Variants in VPS13B observed in about 807,000 individuals in gnomAD.
VPS13B encodes vacuolar protein sorting 13 homolog B.
A neutral mutation model predicts 426.4 loss-of-function variants in VPS13B; 285 were observed. The observed-to-expected ratio is 0.67, with a 90% CI of 0.61 to 0.74. The LOEUF (loss-of-function observed/expected upper bound fraction) is 0.74, where lower values mean the gene tolerates loss of function less well. VPS13B is among the 30% of genes least tolerant of loss of function. The pLI, the probability that VPS13B is intolerant of heterozygous loss-of-function variation, is 0.00. For synonymous variants in VPS13B, 1,676 were observed against 1,676.4 expected (o/e 1.00, Z 0.01); for missense variants, 4,537 against 4,782.6 (o/e 0.95, Z 1.51).
chr8:99,403,255 A>G (rs1048360434), intron 21 of VPS13B, among the ~76,000 whole-genome samples: 5 of 152,116 alleles, frequency 3.3e-5, no homozygotes, highest in Admixed American at 6.5e-5. Flanking sequence ...TCTATGATCA[A>G]AGAAAAACAG....
At chr8:99,820,381 T>C (rs567978581) in intron 49 of VPS13B, among the ~76,000 whole-genome samples, 1 of 152,318 alleles carries the variant, frequency 6.6e-6, no homozygotes, top group African/African-American at 2.4e-5. Context: ...TCCATTGTTA[T>C]AGGATATTTG....
intron 19 of VPS13B, among the ~76,000 whole-genome samples, chr8:99,351,014 T>C (rs3110400): frequency 0.83 from 125,523 of 151,976 alleles, 52,360 homozygotes; most frequent in South Asian, 0.89. Flanking sequence ...ATAAAAGAAA[T>C]GCAGTAATGG....
chr8:99,503,357 G>A (rs1362444431), intron 27 of VPS13B, among the ~76,000 whole-genome samples: 1 of 152,124 alleles, frequency 6.6e-6, no homozygotes, highest in African/African-American at 2.4e-5. Context: ...TGATCGGGGT[G>A]GTGGTTGCTG....
At chr8:99,168,247 A>G (rs944219310) in intron 15 of VPS13B, among the ~76,000 whole-genome samples, 4 of 152,250 alleles carry the variant, frequency 2.6e-5, no homozygotes, top group Middle Eastern at 3.4e-3. Flanking sequence ...ACACAAAAGT[A>G]TAATAAAGAC....
In VPS13B at chr8:99,442,410, C is replaced by T. The variant is rs186098421; in HGVS notation, c.3220C>T (p.Gln1074Ter). 2 of 1,613,568 alleles carry T rather than the reference C, an allele frequency of 1.2e-6. No homozygotes were observed. Among genetic ancestry groups the T allele is most frequent in the East Asian group, 4.5e-5 (2 of 44,826 alleles). ...VKHLTLQLEV[Q>*]SCCVFIPNDS... ...TGCTTTTCTTTTCTAGCTTGAAGTA[C>T]AATCTTGTTGTGTGTTTATTCCAAA... The change falls in exon 23 of 62, where the codon CAA becomes TAA. Residue 1074 changes from glutamine (Q) to a stop codon, truncating the protein, a stop_gained. Transcript: ENST00000357162. LOFTEE classifies it high-confidence loss of function.
intron 23 of VPS13B, among the ~76,000 whole-genome samples, chr8:99,461,211 A>T (rs1027703218): frequency 1.3e-5 from 2 of 151,812 alleles, no homozygotes; most frequent in Non-Finnish European, 2.9e-5. Flanking sequence ...CTATCTCCTT[A>T]GATTGGCCCC....
chr8:99,102,546 C>A (rs1382771123), intron 4 of VPS13B, among the ~76,000 whole-genome samples: 2 of 152,138 alleles, frequency 1.3e-5, no homozygotes, highest in African/African-American at 2.4e-5. Flanking sequence ...AGAAGACCAT[C>A]TTCTAATATA....
At chr8:99,512,155 T>G (rs938103836) in intron 29 of VPS13B, among the ~76,000 whole-genome samples, 4 of 152,254 alleles carry the variant, frequency 2.6e-5, no homozygotes, top group Non-Finnish European at 5.9e-5. Context: ...ACTTTTTATG[T>G]CTAACTTTTC....
chr8:99,502,930 T>C lies in VPS13B; in HGVS notation c.4137T>C (p.Asn1379=), dbSNP rs1821319108. ...TKVKCKIESF[N]IDHYRSRPGE... Reference sequence around the variant, plus strand: ...TGAAATGTAAAATAGAGAGTTTCAATATTGATCACTATAGAAGCAGGTAAA... The same window carrying C: ...TGAAATGTAAAATAGAGAGTTTCAACATTGATCACTATAGAAGCAGGTAAA... The change falls in exon 27 of 62, where the codon AAT becomes AAC. Residue 1379 remains asparagine, a synonymous_variant. Coordinates refer to ENST00000357162, the MANE Select transcript of VPS13B (RefSeq NM_152564.5). The C allele has an allele frequency of 6.2e-7, 1 of 1,607,142 alleles. No homozygotes were observed. The highest frequency in any genetic ancestry group is 8.5e-7 in the Non-Finnish European group (1 of 1,174,104).
chr8:99,113,066 T>G, intron 6 of VPS13B, among the ~76,000 whole-genome samples: 1 of 146,166 alleles, frequency 6.8e-6, no homozygotes, highest in South Asian at 2.5e-4. Context: ...TCCCCTCTGT[T>G]TCCCTCCCCT....
At position 99,496,712 on chromosome 8, in the gene VPS13B, C is replaced by T. The variant is rs192384103; in HGVS notation, c.3871-4975C>T. 9.5e-4 allele frequency among the ~76,000 whole-genome samples: 144 copies of T among 152,092 alleles called. 1 individual carries two copies. The South Asian group carries it at 0.017, about 18-fold the overall frequency. Reference sequence around the variant, plus strand: ...CTTCATGACAAGTAAACAAAGCAAACACATACATACGTACACAAGTACACA... The same window carrying T: ...CTTCATGACAAGTAAACAAAGCAAATACATACATACGTACACAAGTACACA... On this transcript the variant is annotated intron_variant, in intron 25 of 61. Transcript: ENST00000357162.
intron 17 of VPS13B, among the ~76,000 whole-genome samples, chr8:99,228,002 G>A (rs1321405488): frequency 6.6e-6 from 1 of 151,884 alleles, no homozygotes; most frequent in Non-Finnish European, 1.5e-5. Flanking sequence ...TTTCTCTCTT[G>A]GACTCATTTC....
intron 19 of VPS13B, among the ~76,000 whole-genome samples, chr8:99,343,023 C>G (rs3134177): frequency 0.74 from 112,626 of 151,972 alleles, 42,417 homozygotes; most frequent in South Asian, 0.87. Context: ...TTTCATGTAC[C>G]TGTTTGCCTT....
At position 99,824,047 on chromosome 8, in the gene VPS13B, T is replaced by C; in HGVS notation, c.9330+69T>C. 3 of 1,557,350 alleles carry C rather than the reference T, an allele frequency of 1.9e-6. No homozygotes were observed. The South Asian group carries it at 3.4e-5, about 17-fold the overall frequency. ...AAACAATAAATAGGATCAACTTCTC[T>C]TTAACCTATAGCAAATGAAAAGCTA... On this transcript the variant is annotated intron_variant, in intron 51 of 61. Transcript: ENST00000357162.
chr8:99,552,010 T>G (rs2133754641), intron 30 of VPS13B, among the ~76,000 whole-genome samples: 1 of 152,096 alleles, frequency 6.6e-6, no homozygotes, highest in East Asian at 1.9e-4. Context: ...ATTAAGCATT[T>G]TTTAGACTTT....
At chr8:99,525,529 A>G (rs1822598874) in intron 30 of VPS13B, among the ~76,000 whole-genome samples, 1 of 152,218 alleles carries the variant, frequency 6.6e-6, no homozygotes, top group Admixed American at 6.5e-5. Context: ...TTGCAGCTCA[A>G]TAGAATGAAA....
chr8:99,826,685 A>G (rs1435302344), intron 51 of VPS13B, among the ~76,000 whole-genome samples: 1 of 152,228 alleles, frequency 6.6e-6, no homozygotes, highest in Non-Finnish European at 1.5e-5. Context: ...TTGCCCATTC[A>G]GTATGATATT....
chr8:99,646,325 G>A lies in VPS13B; in HGVS notation c.5908+3827G>A, dbSNP rs571700199. ...AGCTAAGGAGTCCAAGACTAGCCTAGACAACATAGTGAGACCCCATCTCTA... is the reference window on the plus strand; with the variant it reads ...AGCTAAGGAGTCCAAGACTAGCCTAAACAACATAGTGAGACCCCATCTCTA... On this transcript the variant is annotated intron_variant, in intron 34 of 61. Transcript: ENST00000357162. 3.9e-5 allele frequency among the ~76,000 whole-genome samples: 6 copies of A among 152,214 alleles called. No homozygotes were observed. The East Asian group carries it at 1.2e-3, about 29-fold the overall frequency.
intron 31 of VPS13B, among the ~76,000 whole-genome samples, chr8:99,566,886 A>G (rs1219904153): frequency 6.6e-6 from 1 of 152,202 alleles, no homozygotes; most frequent in Admixed American, 6.5e-5. Context: ...ACAACAGTAC[A>G]TACTATTGAA....
Sources: allele counts gnomAD v4.1 joint callset (sites outside exome capture counted in the v4.1 genomes callset), GRCh38; gene constraint gnomAD v4.1.1; transcripts MANE v1.5; gene names NCBI Gene and HGNC (gene_info 2026-07-23, HGNC 2026-07-21).